CDH11: variants seen among roughly 807,000 people sequenced by gnomAD.
CDH11 encodes cadherin-11.
CDH11 carries 11 observed loss-of-function variants against 67.8 expected under a neutral mutation model. The observed-to-expected ratio is 0.16, with a 90% CI of 0.10 to 0.27. The LOEUF (loss-of-function observed/expected upper bound fraction) is 0.27, where lower values mean the gene tolerates loss of function less well. CDH11 is among the 10% of genes least tolerant of loss of function. The probability of loss-of-function intolerance (pLI) is 1.00; values close to 1 mark genes in which losing one functional copy is unlikely to be tolerated. For synonymous variants in CDH11, 419 were observed against 400.0 expected (o/e 1.05, Z -0.57); for missense variants, 847 against 1,031.2 (o/e 0.82, Z 2.45).
intron 3 of CDH11, 34 bp from the exon 4 acceptor site, chr16:64,998,890 A>G: frequency 6.3e-7 from 1 of 1,592,338 alleles, no homozygotes; most frequent in Non-Finnish European, 8.6e-7. Context: ...TTTTAATTCC[A>G]TGAGGAAAGC....
intron 1 of CDH11, among the ~76,000 whole-genome samples, chr16:65,093,144 G>T (rs551652454): frequency 1.3e-5 from 2 of 150,924 alleles, no homozygotes; most frequent in East Asian, 2.0e-4. Context: ...CACCATGTTG[G>T]CCAGGCTGGT....
At chr16:64,963,916 A>C (rs1383335127) in intron 11 of CDH11, among the ~76,000 whole-genome samples, 1 of 152,224 alleles carries the variant, frequency 6.6e-6, no homozygotes, top group African/African-American at 2.4e-5. Flanking sequence ...ATGGAAAAAA[A>C]AATTGTTGCC....
At chr16:64,986,036 T>C (rs1229030421) in intron 7 of CDH11, 2 of 152,006 alleles carry the variant, frequency 1.3e-5, no homozygotes, top group Non-Finnish European at 2.9e-5. Flanking sequence ...GTGAATAAAT[T>C]AGGAAATAAA....
intron 3 of CDH11, among the ~76,000 whole-genome samples, chr16:64,999,815 A>G (rs2142514220): frequency 6.6e-6 from 1 of 152,274 alleles, no homozygotes; most frequent in Non-Finnish European, 1.5e-5. Flanking sequence ...GATTACACAC[A>G]TGAGCCACCA....
At chr16:65,055,374 A>T (rs150587914) in intron 1 of CDH11, among the ~76,000 whole-genome samples, 11 of 152,328 alleles carry the variant, frequency 7.2e-5, no homozygotes, top group Non-Finnish European at 1.2e-4. Flanking sequence ...CAAAGCATTG[A>T]ACCAAAGAAA....
intron 1 of CDH11, among the ~76,000 whole-genome samples, chr16:65,117,048 A>G (rs2075256624): frequency 6.6e-6 from 1 of 152,268 alleles, no homozygotes; most frequent in Non-Finnish European, 1.5e-5. Flanking sequence ...AATGTGCATT[A>G]TTCACAAGAG....
Position 64,945,364 on chromosome 16 carries a change from C to A in CDH11, c.*2239G>T, listed in dbSNP as rs1055376417. ...TCTTAACTACTGAAAAGTAAACAGCCTTTTTAAAAAAGACTTCAACATAAA... is the reference window on the plus strand; with the variant it reads ...TCTTAACTACTGAAAAGTAAACAGCATTTTTAAAAAAGACTTCAACATAAA... On this transcript the variant is annotated 3_prime_UTR_variant, in exon 13 of 13. Coordinates refer to ENST00000268603, the MANE Select transcript of CDH11 (RefSeq NM_001797.4). 1.0e-6 allele frequency: 1 copy of A among 995,364 alleles called. No homozygotes were observed. The allele number at this position is 995,364 out of a possible 1,614,324, so 61.7% of individuals were successfully genotyped here.
intron 1 of CDH11, among the ~76,000 whole-genome samples, chr16:65,117,311 C>T (rs1473883610): frequency 6.6e-6 from 1 of 152,122 alleles, no homozygotes; most frequent in Non-Finnish European, 1.5e-5. Context: ...AATAAGTAGC[C>T]ACTTAAAACA....
chr16:65,118,606 A>G (rs1416087661), intron 1 of CDH11, among the ~76,000 whole-genome samples: 1 of 152,236 alleles, frequency 6.6e-6, no homozygotes, highest in Non-Finnish European at 1.5e-5. Context: ...AGCCAATTCC[A>G]TAAGGGAGAA....
chr16:65,117,885 C>A (rs1379284804), intron 1 of CDH11, among the ~76,000 whole-genome samples: 1 of 152,120 alleles, frequency 6.6e-6, no homozygotes, highest in Non-Finnish European at 1.5e-5. Context: ...TCCTGCAGCC[C>A]AGCCCCCACC....
At position 64,998,641 on chromosome 16, in the gene CDH11, C is replaced by G; in HGVS notation, c.444G>C (p.Lys148Asn). ...PLEPPSEFIV[K>N]VQDINDNPPE... ...GAGGGTTGTCATTAATGTCCTGGAC[C>G]TTGACAATGAATTCCGACGGTGGCT... The change falls in exon 4 of 13, where the codon AAG becomes AAC. Residue 148 changes from lysine (K) to asparagine (N), a missense_variant. By Grantham distance (94) the Lys-to-Asn change is moderately conservative. Coordinates refer to ENST00000268603, the MANE Select transcript of CDH11 (RefSeq NM_001797.4). 1 of 1,614,080 alleles carries G rather than the reference C, an allele frequency of 6.2e-7. No individual in the cohort carries two copies. The highest frequency in any genetic ancestry group is 8.5e-7 in the Non-Finnish European group (1 of 1,180,026).
At chr16:65,104,546 C>CA (rs1045218123) in intron 1 of CDH11, among the ~76,000 whole-genome samples, 30 of 151,832 alleles carry the variant, frequency 2.0e-4, no homozygotes, top group Non-Finnish European at 3.7e-4. Context: ...GAAATTAAAG[C>CA]AAAAAAACAA....
chr16:64,992,265 T>C (rs1446991966), intron 5 of CDH11, among the ~76,000 whole-genome samples: 1 of 152,250 alleles, frequency 6.6e-6, no homozygotes, highest in Non-Finnish European at 1.5e-5. Flanking sequence ...TCATACTTTT[T>C]GACTTCCAGC....
In CDH11 at chr16:64,944,249, C is replaced by T. The variant is rs78486993; in HGVS notation, c.*3354G>A. The T allele has an allele frequency of 0.016, 3,844 of 233,380 alleles. 42 individuals are homozygous for T. Among genetic ancestry groups the T allele is most frequent in the Non-Finnish European group, 0.026 (3,025 of 118,236 alleles). The allele number at this position is 233,380 out of a possible 1,614,324, so 14.5% of individuals were successfully genotyped here. On this transcript the variant is annotated 3_prime_UTR_variant, in exon 13 of 13. Coordinates refer to ENST00000268603, the MANE Select transcript of CDH11 (RefSeq NM_001797.4). ...TCTTTGTGAAGAGGAGGTTGGGAGG[C>T]AGAGGGTGAGCCAAGAGGTGGGGTC...
chr16:64,944,121 T>C lies in CDH11; in HGVS notation c.*3482A>G, dbSNP rs1471506785. 4.3e-6 allele frequency: 1 copy of C among 232,562 alleles called. No individual in the cohort carries two copies. The highest frequency in any genetic ancestry group is 6.0e-5 in the East Asian group (1 of 16,530). The allele number at this position is 232,562 out of a possible 1,614,324, so 14.4% of individuals were successfully genotyped here. ...GCCCTGTTCATGTAAAGCAATAAAA[T>C]AAAGGCATCAGAATTCATTTTAAGT... On this transcript the variant is annotated 3_prime_UTR_variant, in exon 13 of 13. Coordinates refer to ENST00000268603, the MANE Select transcript of CDH11 (RefSeq NM_001797.4).
chr16:65,053,202 T>C (rs2074086509), intron 2 of CDH11, among the ~76,000 whole-genome samples: 3 of 152,090 alleles, frequency 2.0e-5, no homozygotes, highest in African/African-American at 7.2e-5. Flanking sequence ...ATGGAGAAGG[T>C]AAATGGATTC....
At position 64,984,884 on chromosome 16, in the gene CDH11, G is replaced by A. The variant is rs547059818; in HGVS notation, c.1000-2583C>T. 4.6e-5 allele frequency: 7 copies of A among 152,226 alleles called. No individual in the cohort carries two copies. The South Asian group carries it at 1.5e-3, about 32-fold the overall frequency. The allele number at this position is 152,226 out of a possible 1,614,324, so 9.4% of individuals were successfully genotyped here. A position where few individuals can be genotyped will look rare whatever the true frequency, so the allele number is the denominator to read the frequency against. ...ATGTTATGTATCCACATCTATATAC[G>A]TGCGGACAAAGAATATAAAGAAAAA... On this transcript the variant is annotated intron_variant, in intron 7 of 12. Transcript: ENST00000268603.
chr16:64,970,676 T>C (rs2071980931), intron 11 of CDH11, among the ~76,000 whole-genome samples: 1 of 152,208 alleles, frequency 6.6e-6, no homozygotes, highest in Non-Finnish European at 1.5e-5. Flanking sequence ...CCTCTAAGCC[T>C]GTTCTCAGTC....
At chr16:65,078,724 A>T (rs148903440) in intron 1 of CDH11, among the ~76,000 whole-genome samples, 94 of 152,260 alleles carry the variant, frequency 6.2e-4, no homozygotes, top group African/African-American at 2.2e-3. Flanking sequence ...GCAGGTAAGC[A>T]ATAGAGATTC....
Sources: allele counts gnomAD v4.1 joint callset (sites outside exome capture counted in the v4.1 genomes callset), GRCh38; gene constraint gnomAD v4.1.1; transcripts MANE v1.5; gene names NCBI Gene and HGNC (gene_info 2026-07-23, HGNC 2026-07-21).